Variants in MYO3A observed in about 807,000 individuals in gnomAD.
MYO3A encodes the protein myosin IIIA, also known as myosin-IIIa.
In MYO3A, 180 loss-of-function variants were observed where a neutral mutation model predicts 192.7. The observed-to-expected ratio is 0.93, with a 90% confidence interval of 0.83 to 1.06. MYO3A has a LOEUF of 1.06. Ranked by LOEUF, MYO3A falls within the 50% of genes least tolerant of loss-of-function variation. The pLI, the probability that MYO3A is intolerant of heterozygous loss-of-function variation, is 0.00. For missense variants in MYO3A, 1,896 were observed against 1,905.0 expected, an observed-to-expected ratio of 1.00 and a Z score of 0.09; for synonymous variants, 628 against 645.3, an observed-to-expected ratio of 0.97 and a Z score of 0.41.
intron 2 of MYO3A, among the ~76,000 whole-genome samples, chr10:25,948,159 G>A (rs1836980308): frequency 6.6e-6 from 1 of 152,116 alleles, no homozygotes; most frequent in South Asian, 2.1e-4. Flanking sequence ...CTAGGCAGAG[G>A]GAACACAGAT....
intron 20 of MYO3A, among the ~76,000 whole-genome samples, chr10:26,131,257 C>G (rs1839515377): frequency 6.6e-6 from 1 of 152,142 alleles, no homozygotes; most frequent in Non-Finnish European, 1.5e-5. Context: ...GTGGGACACT[C>G]CAGCAAAGCT....
At chr10:26,065,416 A>T (rs11014946) in intron 10 of MYO3A, among the ~76,000 whole-genome samples, 71,923 of 151,338 alleles carry the variant, frequency 0.48, 17,871 homozygotes, top group Middle Eastern at 0.59. Context: ...AAACCCTGTC[A>T]CTATTAAAAA....
chr10:26,008,447 A>G (rs1588763010), intron 6 of MYO3A, among the ~76,000 whole-genome samples: 2 of 148,494 alleles, frequency 1.3e-5, no homozygotes, highest in South Asian at 4.2e-4. Flanking sequence ...TGAACAGGCA[A>G]CCTACAAAAT....
intron 6 of MYO3A, among the ~76,000 whole-genome samples, chr10:26,010,776 A>C (rs1235295765): frequency 1.3e-5 from 2 of 152,166 alleles, no homozygotes; most frequent in Non-Finnish European, 1.5e-5. Flanking sequence ...TTCACTAAGT[A>C]GTTTTTAATC....
chr10:26,104,882 C>G (rs1837700846), intron 17 of MYO3A, among the ~76,000 whole-genome samples: 1 of 151,768 alleles, frequency 6.6e-6, no homozygotes. Context: ...CACACACACA[C>G]ACACACACAC....
chr10:26,043,149 GTCTCTCTCTCTCTCTCTC>G (rs59621862), intron 10 of MYO3A, among the ~76,000 whole-genome samples: 2 of 143,274 alleles, frequency 1.4e-5, no homozygotes, highest in Non-Finnish European at 3.0e-5. Context: ...GCCAAACAGA[GTCTCTCTCTCTCTCTCTC>G]TCTCTCTCTC....
intron 6 of MYO3A, among the ~76,000 whole-genome samples, chr10:26,006,135 G>A (rs1249421866): frequency 6.6e-6 from 1 of 151,994 alleles, no homozygotes; most frequent in African/African-American, 2.4e-5. Context: ...CTAGCTACTG[G>A]GTACATAACG....
chr10:26,089,600 C>CAA (rs397845390), intron 15 of MYO3A, among the ~76,000 whole-genome samples: 15 of 131,722 alleles, frequency 1.1e-4, no homozygotes, highest in African/African-American at 3.6e-4. Flanking sequence ...GACTCCATCT[C>CAA]AAAAAAAAAA....
chr10:25,994,915 C>T (rs967322997), intron 4 of MYO3A, among the ~76,000 whole-genome samples: 18 of 152,116 alleles, frequency 1.2e-4, no homozygotes, highest in African/African-American at 2.9e-4. Flanking sequence ...GTGGGTAACC[C>T]GATCTTTCTC....
At chr10:26,047,461 C>T (rs1337131266) in intron 10 of MYO3A, among the ~76,000 whole-genome samples, 1 of 152,134 alleles carries the variant, frequency 6.6e-6, no homozygotes, top group African/African-American at 2.4e-5. Flanking sequence ...TCCATTTTTA[C>T]TATTGGTGTC....
chr10:25,952,978 T>C (rs1358258642), intron 3 of MYO3A, among the ~76,000 whole-genome samples: 1 of 151,706 alleles, frequency 6.6e-6, no homozygotes, highest in Non-Finnish European at 1.5e-5. Flanking sequence ...CTTCTGGTAA[T>C]GAGAGCTGGC....
intron 11 of MYO3A, among the ~76,000 whole-genome samples, chr10:26,067,915 A>G (rs1294211258): frequency 6.6e-6 from 1 of 152,128 alleles, no homozygotes; most frequent in Non-Finnish European, 1.5e-5. Flanking sequence ...TTCTGAATAG[A>G]GGTAGTCATT....
intron 4 of MYO3A, among the ~76,000 whole-genome samples, chr10:25,991,526 C>A (rs1840031221): frequency 6.6e-6 from 1 of 152,014 alleles, no homozygotes; most frequent in African/African-American, 2.4e-5. Context: ...AATTAGATCC[C>A]ATTTGTCAAT....
rs1564443322 is a variant in MYO3A at position 25,997,216 on chromosome 10, A to G, written c.466A>G (p.Ile156Val). 6.2e-7 allele frequency: 1 copy of G among 1,613,658 alleles called. No individual in the cohort carries two copies. Among genetic ancestry groups the G allele is most frequent in the South Asian group, 1.1e-5 (1 of 91,074 alleles). The part of the protein sequence containing the change: ...TIHRDVKGNN[I>V]LLTTEGGVKL... Reference sequence around the variant, plus strand: ...CCACAGAGATGTGAAAGGCAATAACATTCTATTGACCACGGAAGGTGGAGT... The same window carrying G: ...CCACAGAGATGTGAAAGGCAATAACGTTCTATTGACCACGGAAGGTGGAGT... The change falls in exon 6 of 35, where the codon ATT (isoleucine) becomes GTT (valine). Residue 156 changes from isoleucine to valine, a missense_variant. By Grantham distance (29) the Ile-to-Val change is conservative. Transcript: ENST00000642920.
intron 26 of MYO3A, among the ~76,000 whole-genome samples, chr10:26,165,247 G>A (rs1236413465): frequency 2.6e-5 from 4 of 152,120 alleles, no homozygotes; most frequent in African/African-American, 4.8e-5. Flanking sequence ...CACCTCAGCC[G>A]TCTACATATC....
intron 15 of MYO3A, among the ~76,000 whole-genome samples, chr10:26,092,741 C>A (rs866514903): frequency 6.6e-6 from 1 of 152,152 alleles, no homozygotes; most frequent in African/African-American, 2.4e-5. Flanking sequence ...AGGAATGAGG[C>A]CACAATAAGA....
intron 19 of MYO3A, 77 bp downstream of exon 19, chr10:26,125,685 T>G: frequency 3.3e-6 from 4 of 1,224,236 alleles, no homozygotes; most frequent in Non-Finnish European, 4.8e-6. Context: ...TTGTTTTGTA[T>G]AGATCTCTTT....
chr10:26,045,330 T>C (rs1048776079), intron 10 of MYO3A, among the ~76,000 whole-genome samples: 1 of 152,146 alleles, frequency 6.6e-6, no homozygotes, highest in Non-Finnish European at 1.5e-5. Flanking sequence ...ACTAGTGTTA[T>C]GACACTTATT....
intron 14 of MYO3A, 63 bp downstream of exon 14, chr10:26,070,464 AC>A: frequency 7.4e-6 from 10 of 1,350,664 alleles, no homozygotes; most frequent in South Asian, 1.2e-5. Context: ...ACTTAATATA[AC>A]TGATTAGATT....
Sources: gnomAD v4.1 joint callset for allele counts (sites outside exome capture counted in the v4.1 genomes callset) on GRCh38, gnomAD v4.1.1 for gene constraint, MANE v1.5 for transcripts, NCBI Gene and HGNC (gene_info 2026-07-23, HGNC 2026-07-21) for gene names.